The following CLTCL1 variants were observed in gnomAD, a reference collection of about 807,000 sequenced individuals.
CLTCL1 encodes clathrin heavy chain like 1, also known as clathrin heavy chain 2.
A neutral mutation model predicts 190.0 loss-of-function variants in CLTCL1; 159 were observed. That is an observed-to-expected ratio of 0.84 (90% CI 0.74 to 0.95). The LOEUF (loss-of-function observed/expected upper bound fraction) is 0.95. Among genes scored for constraint, CLTCL1 ranks in the 40% least tolerant of loss-of-function variants. The pLI, the probability that CLTCL1 is intolerant of heterozygous loss-of-function variation, is 0.00. For missense variants in CLTCL1, 1,878 were observed against 2,033.4 expected, an observed-to-expected ratio of 0.92 and a Z score of 1.47; for synonymous variants, 752 against 769.6, an observed-to-expected ratio of 0.98 and a Z score of 0.38.
chr22:19,240,800 G>C (rs1363423347), intron 4 of CLTCL1, among the ~76,000 whole-genome samples: 1 of 152,228 alleles, frequency 6.6e-6, no homozygotes, highest in Non-Finnish European at 1.5e-5. Context: ...ACTGCTATGG[G>C]TTCTTGCTCG....
chr22:19,272,023 C>T (rs1555980927), intron 2 of CLTCL1, among the ~76,000 whole-genome samples: 1 of 152,164 alleles, frequency 6.6e-6, no homozygotes, highest in East Asian at 1.9e-4. Flanking sequence ...GCAGGAGGAT[C>T]GTTTGAGCCC....
At chr22:19,228,218 GT>G (rs1304465925) in intron 11 of CLTCL1, among the ~76,000 whole-genome samples, 22 of 152,308 alleles carry the variant, frequency 1.4e-4, no homozygotes, top group African/African-American at 5.3e-4. Context: ...CCTATCCTTT[GT>G]TTCCTTCAGG....
Position 19,211,763 on chromosome 22 carries a change from T to A in CLTCL1, c.3066-1254A>T, listed in dbSNP as rs1555946887. On this transcript the variant is annotated intron_variant, in intron 19 of 32. Coordinates refer to ENST00000427926, the MANE Select transcript of CLTCL1 (RefSeq NM_007098.4). ...GCCTGGGCGACAGAGCAAGATTGCA[T>A]CTCAAAAAAAAAAAAAAAAACAAAA... Among the ~76,000 whole-genome samples the A allele has an allele frequency of 3.3e-5, 4 of 119,470 alleles. No individual in the cohort carries two copies. In the East Asian group the frequency reaches 1.0e-3, roughly 31 times the overall value. 78.4% of individuals were successfully genotyped at this position (119,470 alleles called of 152,430 possible).
intron 24 of CLTCL1, among the ~76,000 whole-genome samples, chr22:19,197,065 A>ACT (rs781874064): frequency 2.0e-5 from 3 of 152,190 alleles, no homozygotes. Flanking sequence ...CTGTTGTTTC[A>ACT]CTGTGTCCCT....
intron 4 of CLTCL1, among the ~76,000 whole-genome samples, chr22:19,241,966 G>A (rs1813528928): frequency 6.8e-6 from 1 of 146,158 alleles, no homozygotes; most frequent in African/African-American, 2.5e-5. Flanking sequence ...TTTTGGAGAT[G>A]GAGTCTCGCT....
intron 1 of CLTCL1, among the ~76,000 whole-genome samples, chr22:19,286,602 CCT>C (rs1555990242): frequency 6.6e-6 from 1 of 152,122 alleles, no homozygotes; most frequent in African/African-American, 2.4e-5. Flanking sequence ...CCCCCAGAAG[CCT>C]CTCCAGACAC....
chr22:19,187,572 C>G lies in CLTCL1; in HGVS notation c.4591G>C (p.Asp1531His). The stretch of plus-strand genomic sequence containing the variant: ...AGGCCACCAACCTTGTAGAGATGAT[C>G]CTTCTTGCAGAGCTCCACGCTCTGG... Reference protein sequence around the residue: ...WAQSVELCKKDHLYKDAMQHA... With the variant: ...WAQSVELCKKHHLYKDAMQHA... Residue 1531 changes from aspartate (D) to histidine (H), a missense_variant, in exon 29 of 33, where the codon GAT (aspartate) becomes CAT (histidine). Physicochemically the swap from Asp to His is moderately conservative, Grantham distance 81. Coordinates refer to ENST00000427926, the MANE Select transcript of CLTCL1 (RefSeq NM_007098.4). 5 of 1,611,700 alleles carry G rather than the reference C, an allele frequency of 3.1e-6. No homozygotes were observed. The highest frequency in any genetic ancestry group is 4.2e-6 in the Non-Finnish European group (5 of 1,179,188).
At chr22:19,277,820 T>C (rs2087570201) in intron 1 of CLTCL1, among the ~76,000 whole-genome samples, 1 of 152,148 alleles carries the variant, frequency 6.6e-6, no homozygotes, top group Non-Finnish European at 1.5e-5. Context: ...TACCTGGAAA[T>C]AGTATCAGAT....
chr22:19,252,773 G>A (rs2086630962), intron 3 of CLTCL1, among the ~76,000 whole-genome samples: 1 of 152,196 alleles, frequency 6.6e-6, no homozygotes, highest in African/African-American at 2.4e-5. Flanking sequence ...CCAGCACTTT[G>A]GGAGGCCAAG....
rs5746676 is a variant in CLTCL1 at position 19,181,375 on chromosome 22, C to T, written c.4828-569G>A. ...CCCCACCCACTGCCAGAGAGCGAGG[C>T]GGCAGCACTGCACTAGAGGGGCGGC... On this transcript the variant is annotated intron_variant, in intron 30 of 32. Transcript: ENST00000427926. The T allele has an allele frequency of 9.4e-3, 1,453 of 154,320 alleles. 35 individuals are homozygous for T. Among genetic ancestry groups the T allele is most frequent in the East Asian group, 0.069 (363 of 5,250 alleles). The allele number at this position is 154,320 out of a possible 1,614,324, so 9.6% of individuals were successfully genotyped here.
chr22:19,216,012 C>A, intron 19 of CLTCL1, 99 bp downstream of exon 19: 1 of 1,201,920 alleles, frequency 8.3e-7, no homozygotes, highest in South Asian at 1.5e-5. Context: ...AATGGGCAGG[C>A]TGGATGGGTG....
At chr22:19,204,841 G>A (rs1375885904) in intron 22 of CLTCL1, among the ~76,000 whole-genome samples, 1 of 152,204 alleles carries the variant, frequency 6.6e-6, no homozygotes, top group Non-Finnish European at 1.5e-5. Flanking sequence ...TATCTCAGGG[G>A]AGTGACAGCA....
intron 13 of CLTCL1, 83 bp from the exon 14 acceptor site, chr22:19,224,137 C>A (rs2085664761): frequency 5.6e-6 from 8 of 1,417,932 alleles, no homozygotes; most frequent in South Asian, 2.5e-5. Context: ...CCCTCGATGA[C>A]CCTGCTCCAC....
intron 21 of CLTCL1, among the ~76,000 whole-genome samples, 160 bp from the exon 22 acceptor site, chr22:19,208,471 C>T (rs1027073896): frequency 5.3e-5 from 8 of 152,126 alleles, no homozygotes; most frequent in Non-Finnish European, 8.8e-5. Flanking sequence ...TGATTATGCT[C>T]ACTAAGCAGA....
At chr22:19,261,176 A>G (rs2086938659) in intron 2 of CLTCL1, among the ~76,000 whole-genome samples, 1 of 151,192 alleles carries the variant, frequency 6.6e-6, no homozygotes, top group African/African-American at 2.4e-5. Context: ...GCAGTGGCGT[A>G]ATCTTGGCTC....
At chr22:19,263,012 C>T (rs1601685702) in intron 2 of CLTCL1, among the ~76,000 whole-genome samples, 1 of 137,806 alleles carries the variant, frequency 7.3e-6, no homozygotes, top group South Asian at 2.2e-4. Context: ...GCCTGGGTGA[C>T]AGAGAGAGAC....
chr22:19,235,915 GC>G (rs782317824), intron 5 of CLTCL1, 46 bp from the exon 6 acceptor site: 13 of 1,513,562 alleles, frequency 8.6e-6, no homozygotes, highest in Non-Finnish European at 7.2e-6. Flanking sequence ...AGGAGGAGAA[GC>G]CATGCGGGTA....
intron 3 of CLTCL1, among the ~76,000 whole-genome samples, chr22:19,244,335 C>T (rs2086351877): frequency 1.3e-5 from 2 of 152,262 alleles, no homozygotes; most frequent in Middle Eastern, 3.4e-3. Context: ...AGAAGCCAGG[C>T]ATGAAAGGCT....
rs568137344 is a variant in CLTCL1, at chr22:19,253,976, C to T, written c.502G>A (p.Val168Ile). The change falls in exon 3 of 33, where the codon GTA becomes ATA. Residue 168 changes from valine (V) to isoleucine (I), a missense_variant. Coordinates refer to ENST00000427926, the MANE Select transcript of CLTCL1 (RefSeq NM_007098.4). ...AGGCTTACCTGAGCCGAGATGCCTA[C>T]GAGCAGCAGCCACTTCTGGTACTCA... ...TDEYQKWLLL[V>I]GISAQQNRVV... 28 of 1,612,534 alleles carry T rather than the reference C, an allele frequency of 1.7e-5. No individual in the cohort carries two copies. The highest frequency in any genetic ancestry group is 1.5e-4 in the Admixed American group (9 of 59,870).
Sources: allele counts gnomAD v4.1 joint callset (sites outside exome capture counted in the v4.1 genomes callset), GRCh38; gene constraint gnomAD v4.1.1; transcripts MANE v1.5; gene names NCBI Gene and HGNC (gene_info 2026-07-23, HGNC 2026-07-21).